Variants in VPS13D observed in about 807,000 individuals in gnomAD.
VPS13D encodes intermembrane lipid transfer protein VPS13D.
In VPS13D, 187 loss-of-function variants were observed where a neutral mutation model predicts 461.9. The ratio of observed to expected loss-of-function variants is 0.40; its 90% confidence interval spans 0.36 to 0.46. VPS13D has a LOEUF of 0.46. Among genes scored for constraint, VPS13D ranks in the 20% least tolerant of loss-of-function variants. The probability of loss-of-function intolerance (pLI) is 0.60; values close to 1 mark genes in which losing one functional copy is unlikely to be tolerated. For missense variants in VPS13D, 4,711 were observed against 5,364.9 expected, an observed-to-expected ratio of 0.88 and a Z score of 3.81; for synonymous variants, 1,951 against 1,986.3, an observed-to-expected ratio of 0.98 and a Z score of 0.47.
intron 18 of VPS13D, among the ~76,000 whole-genome samples, chr1:12,275,493 C>T (rs560379634): frequency 2.8e-4 from 42 of 152,074 alleles, no homozygotes; most frequent in South Asian, 1.2e-3. Flanking sequence ...TAGAGAGGGA[C>T]GTAAGAAAGG....
intron 57 of VPS13D, among the ~76,000 whole-genome samples, chr1:12,382,067 CTCTTTCTTTCTTTT>C (rs375064020): frequency 2.4e-4 from 35 of 147,086 alleles, no homozygotes; most frequent in Admixed American, 1.3e-3. Context: ...TTTCTTCTCT[CTCTTTCTTTCTTTT>C]TCTTTCTTTC....
chr1:12,268,492 T>C (rs1641342052), intron 15 of VPS13D, among the ~76,000 whole-genome samples: 2 of 152,020 alleles, frequency 1.3e-5, no homozygotes, highest in South Asian at 2.1e-4. Flanking sequence ...TTCCATGATA[T>C]GGGAGCTAAT....
chr1:12,422,382 G>A (rs768612392), intron 65 of VPS13D, among the ~76,000 whole-genome samples: 4 of 151,980 alleles, frequency 2.6e-5, no homozygotes, highest in Non-Finnish European at 5.9e-5. Flanking sequence ...CTTTTGCTTT[G>A]TGGTATTTAT....
At position 12,428,985 on chromosome 1, in the gene VPS13D, A is replaced by G. The variant is rs549386366; in HGVS notation, c.12333+12158A>G. On this transcript the variant is annotated intron_variant, in intron 65 of 69. Transcript: ENST00000620676. ...AAGTGCTGTGGGGCCAGGGGTAAGA[A>G]CACTTGATTGTGTTCCTCAAGGATG... Among the ~76,000 whole-genome samples, 3 of 152,282 alleles carry G rather than the reference A, an allele frequency of 2.0e-5. No individual in the cohort carries two copies. In the South Asian group the frequency reaches 6.2e-4, roughly 32 times the overall value.
intron 35 of VPS13D, among the ~76,000 whole-genome samples, chr1:12,325,538 G>T (rs559760407): frequency 6.6e-6 from 1 of 152,242 alleles, no homozygotes; most frequent in East Asian, 1.9e-4. Flanking sequence ...GATTACAGGC[G>T]TGAGCCACTG....
chr1:12,411,144 G>A (rs1045023727), intron 63 of VPS13D, among the ~76,000 whole-genome samples: 1 of 152,162 alleles, frequency 6.6e-6, no homozygotes, highest in Admixed American at 6.5e-5. Flanking sequence ...GAAGTAAAAG[G>A]CATAGGAGCT....
rs1645977891 is a variant in VPS13D at position 12,497,622 on chromosome 1, A to C, written c.12785A>C (p.Gln4262Pro). 1 of 1,612,998 alleles carries C rather than the reference A, an allele frequency of 6.2e-7. No homozygotes were observed. The highest frequency in any genetic ancestry group is 1.3e-5 in the African/African-American group (1 of 74,886). ...CTCTTCAAACTCACAGACAACATAC[A>C]GGACGAATTGTAAGTTAGAGCATGG... The part of the protein sequence containing the change: ...EQLFKLTDNI[Q>P]DEFFIAVENI... The change falls in exon 68 of 70, where the codon CAG (glutamine) becomes CCG (proline). Residue 4262 changes from glutamine to proline, a missense_variant. By Grantham distance (76) the Gln-to-Pro change is moderately conservative. Transcript: ENST00000620676.
chr1:12,295,636 CT>C (rs1557692484), intron 24 of VPS13D, among the ~76,000 whole-genome samples: 2 of 152,092 alleles, frequency 1.3e-5, no homozygotes, highest in African/African-American at 4.8e-5. Flanking sequence ...AATATATAAC[CT>C]TTTTTTCTTT....
intron 67 of VPS13D, among the ~76,000 whole-genome samples, chr1:12,461,488 G>A (rs1484592746): frequency 2.0e-5 from 3 of 152,196 alleles, no homozygotes; most frequent in Non-Finnish European, 2.9e-5. Context: ...CTTTAGTTAA[G>A]TTACATTCTA....
chr1:12,273,740 C>T (rs772689127), intron 18 of VPS13D, among the ~76,000 whole-genome samples: 9 of 152,128 alleles, frequency 5.9e-5, no homozygotes, highest in African/African-American at 1.7e-4. Context: ...TTCCTTCCTT[C>T]GTATAGCCGA....
chr1:12,268,249 C>CT (rs35267390), intron 15 of VPS13D, among the ~76,000 whole-genome samples: 14,398 of 100,564 alleles, frequency 0.14, 1,507 homozygotes, highest in African/African-American at 0.32. Flanking sequence ...CATGCCTGAG[C>CT]TTTTTTTTTT....
intron 30 of VPS13D, among the ~76,000 whole-genome samples, chr1:12,315,097 C>T (rs993167773): frequency 6.6e-6 from 1 of 152,078 alleles, no homozygotes; most frequent in African/African-American, 2.4e-5. Flanking sequence ...TGAACATAGA[C>T]CTTAAAACTG....
Position 12,354,144 on chromosome 1 carries a change from T to A in VPS13D, c.9602T>A (p.Met3201Lys). The change falls in exon 47 of 70, where the codon ATG becomes AAG. Residue 3201 changes from methionine (M) to lysine (K), a missense_variant. By Grantham distance (95) the Met-to-Lys change is moderately conservative. Around this residue, in one of 3 missense-constraint regions of VPS13D, gnomAD observed 4,411 missense variants for 4,937.8 expected, o/e 0.89. Transcript: ENST00000620676. The stretch of plus-strand genomic sequence containing the variant: ...GAACTTGATTTTTATGTTAAAGGAA[T>A]GCCAATTAATGGGACGCTGAAACCT... ...PCELDFYVKG[M>K]PINGTLKPGK... The A allele has an allele frequency of 6.2e-7, 1 of 1,614,194 alleles. No homozygotes were observed. Among genetic ancestry groups the A allele is most frequent in the Non-Finnish European group, 8.5e-7 (1 of 1,180,030 alleles).
rs769352834 is a variant in VPS13D at position 12,506,941 on chromosome 1, C to T, written c.12883C>T (p.Arg4295Ter). ...YFLKSGDYVDREAIFLEVKYD... is the reference protein window; with the variant it reads ...YFLKSGDYVD Reference sequence around the variant, plus strand: ...CCTGAAAAGTGGAGACTACGTGGATCGAGAAGCCATTTTCCTAGAAGTCAA... The same window carrying T: ...CCTGAAAAGTGGAGACTACGTGGATTGAGAAGCCATTTTCCTAGAAGTCAA... The change falls in exon 69 of 70, where the codon CGA becomes TGA. Residue 4295 changes from arginine (R) to a stop codon, truncating the protein, a stop_gained. Coordinates refer to ENST00000620676, the MANE Select transcript of VPS13D (RefSeq NM_015378.4). LOFTEE classifies it high-confidence loss of function. The T allele has an allele frequency of 1.2e-6, 2 of 1,614,136 alleles. No homozygotes were observed. Among genetic ancestry groups the T allele is most frequent in the Admixed American group, 1.7e-5 (1 of 60,012 alleles).
intron 30 of VPS13D, among the ~76,000 whole-genome samples, chr1:12,317,525 C>G (rs908799731): frequency 6.6e-6 from 1 of 151,698 alleles, no homozygotes; most frequent in Non-Finnish European, 1.5e-5. Flanking sequence ...TGGCCTCTAC[C>G]TATACTAGAT....
In VPS13D at chr1:12,308,549, G is replaced by A; in HGVS notation, c.6558G>A (p.Leu2186=). The part of the protein sequence containing the change: ...SKAPEDSSGD[L]IFPSYFVRQT... ...CACCAGAGGATAGTAGTGGAGATCT[G>A]ATCTTCCCTTCCTATTTTGTGCGAC... Residue 2186 remains leucine (L), a synonymous_variant, in exon 27 of 70, where the codon CTG becomes CTA. Coordinates refer to ENST00000620676, the MANE Select transcript of VPS13D (RefSeq NM_015378.4). 1 of 1,613,130 alleles carries A rather than the reference G, an allele frequency of 6.2e-7. No homozygotes were observed. Among genetic ancestry groups the A allele is most frequent in the Non-Finnish European group, 8.5e-7 (1 of 1,179,704 alleles).
chr1:12,300,264 G>T (rs537475130), intron 25 of VPS13D, among the ~76,000 whole-genome samples: 5 of 141,342 alleles, frequency 3.5e-5, no homozygotes, highest in African/African-American at 1.3e-4. Context: ...CTGGAGTGCA[G>T]TGGCACTGTG....
At position 12,282,827 on chromosome 1, in the gene VPS13D, G is replaced by T; in HGVS notation, c.4725G>T (p.Leu1575=). 1 of 1,614,068 alleles carries T rather than the reference G, an allele frequency of 6.2e-7. No homozygotes were observed. Among genetic ancestry groups the T allele is most frequent in the South Asian group, 1.1e-5 (1 of 91,078 alleles). The change falls in exon 21 of 70, where the codon CTG becomes CTT. Residue 1575 remains leucine, a synonymous_variant. Transcript: ENST00000620676. ...CCTCCCCTTGCCCTGATTCTCCTCT[G>T]CCTCCCCTCAGTACCTGTGGAGAAT... The part of the protein sequence containing the change: ...ATSSPCPDSP[L]PPLSTCGESS...
intron 24 of VPS13D, among the ~76,000 whole-genome samples, chr1:12,297,657 T>C (rs144096804): frequency 1.4e-4 from 22 of 152,336 alleles, no homozygotes; most frequent in African/African-American, 5.3e-4. Flanking sequence ...CTACACATTA[T>C]CTCATTTGAT....
Sources: gnomAD v4.1 joint callset for allele counts (sites outside exome capture counted in the v4.1 genomes callset) on GRCh38, gnomAD v4.1.1 for gene constraint, gnomAD v4.1.1 regional missense constraint, MANE v1.5 for transcripts, NCBI Gene and HGNC (gene_info 2026-07-23, HGNC 2026-07-21) for gene names.